DNAH11: variants seen among roughly 807,000 people sequenced by gnomAD.
DNAH11 encodes axonemal beta dynein heavy chain 11.
DNAH11 carries 442 observed loss-of-function variants against 526.0 expected under a neutral mutation model. The observed-to-expected ratio is 0.84, with a 90% CI of 0.78 to 0.91. The LOEUF is 0.91. DNAH11 is among the 40% of genes least tolerant of loss of function. The pLI is 0.00. For missense variants in DNAH11, 6,989 were observed against 5,448.7 expected, an observed-to-expected ratio of 1.28 and a Z score of -8.90; for synonymous variants, 2,461 against 1,935.9, an observed-to-expected ratio of 1.27 and a Z score of -7.12.
chr7:21,568,290 G>A (rs1783752726), intron 6 of DNAH11, among the ~76,000 whole-genome samples: 1 of 152,172 alleles, frequency 6.6e-6, no homozygotes, highest in Non-Finnish European at 1.5e-5. Context: ...CATTGAGTGT[G>A]CGATGATAGA....
rs780078802 is a variant in DNAH11, at chr7:21,707,851, T to C, written c.6683+16T>C. On this transcript the variant is annotated intron_variant, in intron 40 of 81. Coordinates refer to ENST00000409508, the MANE Select transcript of DNAH11 (RefSeq NM_001277115.2). ...AAGATGGCAAGTAGTATTTCCCCTTTAGAAGTGCTCAATTTTTTTTTTCTA... is the reference window on the plus strand; with the variant it reads ...AAGATGGCAAGTAGTATTTCCCCTTCAGAAGTGCTCAATTTTTTTTTTCTA... 10 of 1,556,888 alleles carry C rather than the reference T, an allele frequency of 6.4e-6. No individual in the cohort carries two copies. In the South Asian group the frequency reaches 1.1e-4, roughly 17 times the overall value.
At chr7:21,620,229 T>C (rs1785981071) in intron 25 of DNAH11, among the ~76,000 whole-genome samples, 151 bp downstream of exon 25, 1 of 152,236 alleles carries the variant, frequency 6.6e-6, no homozygotes, top group East Asian at 1.9e-4. Flanking sequence ...ACTTAACATT[T>C]TTTTTGTGGT....
chr7:21,883,894 T>C (rs1784024451), intron 75 of DNAH11, among the ~76,000 whole-genome samples: 1 of 152,086 alleles, frequency 6.6e-6, no homozygotes. Flanking sequence ...TTTTAAAAAA[T>C]TAGCGAGATG....
intron 30 of DNAH11, among the ~76,000 whole-genome samples, chr7:21,675,736 A>G (rs866740093): frequency 7.2e-5 from 11 of 152,220 alleles, no homozygotes; most frequent in African/African-American, 2.7e-4. Context: ...CCGCTATGCT[A>G]AGCATGAGAA....
chr7:21,555,037 C>A (rs1486115986), intron 2 of DNAH11, among the ~76,000 whole-genome samples: 2 of 152,110 alleles, frequency 1.3e-5, no homozygotes, highest in Non-Finnish European at 2.9e-5. Flanking sequence ...GATAGGGGGT[C>A]CCAGGGCTTT....
At chr7:21,564,474 C>G (rs1375169279) in intron 6 of DNAH11, 77 bp downstream of exon 6, 1 of 1,054,140 alleles carries the variant, frequency 9.5e-7, no homozygotes, top group Non-Finnish European at 1.4e-6. Flanking sequence ...GAAGAATAAT[C>G]TAGTATACAG....
Position 21,704,101 on chromosome 7 carries a change from CTTGA to C in DNAH11, c.6274-330_6274-327del, listed in dbSNP as rs367846443. ...ACTTTGGATAAAATGATCTGATGGG[CTTGA>C]TTAATTTAAATTCTGGAGTTTGAGG... On this transcript the variant is annotated intron_variant, in intron 37 of 81. Transcript: ENST00000409508. 5.8e-4 allele frequency among the ~76,000 whole-genome samples: 88 copies of C among 152,210 alleles called. 1 individual carries two copies. The East Asian group carries it at 0.015, about 26-fold the overall frequency.
chr7:21,564,173 T>G lies in DNAH11; in HGVS notation c.983-13T>G. The G allele has an allele frequency of 6.5e-7, 1 of 1,547,152 alleles. No homozygotes were observed. Among genetic ancestry groups the G allele is most frequent in the Non-Finnish European group, 8.7e-7 (1 of 1,149,964 alleles). On this transcript the variant is annotated splice_polypyrimidine_tract_variant and intron_variant, in intron 5 of 81. Coordinates refer to ENST00000409508, the MANE Select transcript of DNAH11 (RefSeq NM_001277115.2). ...AAACCAGAATCACGTTAATGGTGGT[T>G]CTTTGCTTTCAGCTCTTCTCGAAGC...
At chr7:21,848,400 T>C (rs1293607718) in intron 66 of DNAH11, among the ~76,000 whole-genome samples, 1 of 151,830 alleles carries the variant, frequency 6.6e-6, no homozygotes, top group Non-Finnish European at 1.5e-5. Context: ...GACAGATAGG[T>C]CTTGTTTTTT....
At chr7:21,832,825 G>A (rs183516807) in intron 65 of DNAH11, among the ~76,000 whole-genome samples, 28 of 152,310 alleles carry the variant, frequency 1.8e-4, no homozygotes, top group Admixed American at 1.8e-3. Flanking sequence ...TGGCAGAGAT[G>A]TATGTGACGC....
intron 39 of DNAH11, among the ~76,000 whole-genome samples, chr7:21,707,467 A>G (rs185526652): frequency 3.0e-4 from 45 of 152,354 alleles, no homozygotes; most frequent in African/African-American, 1.1e-3. Context: ...TTTAGTCTAA[A>G]TGGTTCAAAG....
chr7:21,785,416 G>A (rs571054776), intron 58 of DNAH11, among the ~76,000 whole-genome samples: 19 of 152,238 alleles, frequency 1.2e-4, no homozygotes, highest in East Asian at 3.9e-4. Flanking sequence ...GCCTGCTGCC[G>A]TTAAAATAAT....
intron 45 of DNAH11, among the ~76,000 whole-genome samples, chr7:21,730,176 C>T (rs768167387): frequency 4.6e-5 from 7 of 152,146 alleles, no homozygotes; most frequent in Non-Finnish European, 8.8e-5. Flanking sequence ...TATCTGCACT[C>T]GCATGTTTAC....
At chr7:21,643,352 T>C (rs1176596241) in intron 28 of DNAH11, among the ~76,000 whole-genome samples, 1 of 152,224 alleles carries the variant, frequency 6.6e-6, no homozygotes, top group African/African-American at 2.4e-5. Flanking sequence ...TGATTCCTTA[T>C]GATGTGAAAG....
chr7:21,554,101 A>G (rs546216035), intron 2 of DNAH11, among the ~76,000 whole-genome samples: 14 of 150,710 alleles, frequency 9.3e-5, no homozygotes, highest in African/African-American at 3.4e-4. Flanking sequence ...TTTGTGTCCC[A>G]GTAGTGGACT....
In DNAH11 at chr7:21,720,823, C is replaced by G; in HGVS notation, c.7233C>G (p.Ile2411Met). 1 of 1,613,038 alleles carries G rather than the reference C, an allele frequency of 6.2e-7. No individual in the cohort carries two copies. The highest frequency in any genetic ancestry group is 8.5e-7 in the Non-Finnish European group (1 of 1,179,498). The change falls in exon 44 of 82, where the codon ATC (isoleucine) becomes ATG (methionine). Residue 2411 changes from isoleucine to methionine, a missense_variant. Transcript: ENST00000409508. ...AAGTCTATTTTGTATTTGCTTGTAT[C>G]TGGGCTTTTGGAGGCACCCTGCTAC... ...VYEVYFVFAC[I>M]WAFGGTLLQD...
chr7:21,740,490 TGGC>T (rs1199395834), intron 48 of DNAH11, among the ~76,000 whole-genome samples: 1 of 152,246 alleles, frequency 6.6e-6, no homozygotes, highest in Non-Finnish European at 1.5e-5. Flanking sequence ...TGTCTTTTTG[TGGC>T]TGGCTTATTT....
chr7:21,784,083 C>G (rs1007251672), intron 57 of DNAH11, among the ~76,000 whole-genome samples: 1 of 152,288 alleles, frequency 6.6e-6, no homozygotes, highest in Middle Eastern at 3.4e-3. Flanking sequence ...GTTTGTTAAT[C>G]CAGGACTCTC....
At chr7:21,770,604 G>A (rs188435257) in intron 55 of DNAH11, among the ~76,000 whole-genome samples, 25 of 152,270 alleles carry the variant, frequency 1.6e-4, no homozygotes, top group African/African-American at 4.8e-4. Context: ...AAATAATGCC[G>A]CTGGTAAGGG....
Sources: allele counts gnomAD v4.1 joint callset (sites outside exome capture counted in the v4.1 genomes callset), GRCh38; gene constraint gnomAD v4.1.1; transcripts MANE v1.5; gene names NCBI Gene and HGNC (gene_info 2026-07-23, HGNC 2026-07-21).